The following TANC2 variants were observed in gnomAD, a reference collection of about 807,000 sequenced individuals.
The protein encoded by TANC2 is protein TANC2.
In TANC2, 26 loss-of-function variants were observed where a neutral mutation model predicts 210.5. The observed-to-expected ratio is 0.12, with a 90% CI of 0.09 to 0.17. TANC2 has a LOEUF of 0.17. Among genes scored for constraint, TANC2 ranks in the 10% least tolerant of loss-of-function variants. The pLI, the probability that TANC2 is intolerant of heterozygous loss-of-function variation, is 1.00. For missense variants in TANC2, 2,129 were observed against 2,608.9 expected, an observed-to-expected ratio of 0.82 and a Z score of 4.01; for synonymous variants, 931 against 967.1, an observed-to-expected ratio of 0.96 and a Z score of 0.69.
At chr17:63,422,917 A>G (rs1331559536) in exon 28 of TANC2, 1 of 152,226 alleles carries the variant, frequency 6.6e-6, no homozygotes, top group Non-Finnish European at 1.5e-5. Flanking sequence ...AGGAAACTCT[A>G]ACCGAAGGCT....
intron 9 of TANC2, among the ~76,000 whole-genome samples, chr17:63,287,319 C>T (rs1303630526): frequency 6.6e-6 from 1 of 152,126 alleles, no homozygotes; most frequent in Non-Finnish European, 1.5e-5. Flanking sequence ...ATATTTAATA[C>T]AGTAATAATC....
At chr17:63,160,091 T>C (rs768569156) in intron 5 of TANC2, among the ~76,000 whole-genome samples, 1 of 152,238 alleles carries the variant, frequency 6.6e-6, no homozygotes, top group Non-Finnish European at 1.5e-5. Context: ...TCTCTTCTTA[T>C]AGGGACACTA....
exon 22 of TANC2, chr17:63,411,543 T>C: frequency 1.2e-6 from 2 of 1,613,394 alleles, no homozygotes; most frequent in Non-Finnish European, 1.7e-6. Flanking sequence ...CAAAGAAGGA[T>C]TGACAGCCCT....
chr17:63,058,723 G>C (rs1178648634), intron 2 of TANC2, among the ~76,000 whole-genome samples: 1 of 152,138 alleles, frequency 6.6e-6, no homozygotes, highest in Non-Finnish European at 1.5e-5. Context: ...TTGAACGTCA[G>C]ATGGTTGTAG....
intron 4 of TANC2, among the ~76,000 whole-genome samples, chr17:63,113,322 C>T (rs891747135): frequency 6.6e-6 from 1 of 152,060 alleles, no homozygotes; most frequent in Admixed American, 6.5e-5. Context: ...GTAATAAACA[C>T]GTGGCATGGC....
intron 2 of TANC2, among the ~76,000 whole-genome samples, chr17:63,068,213 A>G (rs2036271934): frequency 1.3e-5 from 2 of 152,166 alleles, no homozygotes; most frequent in Admixed American, 6.5e-5. Flanking sequence ...CCAGTAAAAC[A>G]TATGCTCAGC....
intron 1 of TANC2, among the ~76,000 whole-genome samples, chr17:62,975,686 T>C (rs915069162): frequency 3.3e-5 from 5 of 151,982 alleles, no homozygotes; most frequent in Non-Finnish European, 7.4e-5. Flanking sequence ...CCAGTATATA[T>C]TGGAAAGAAT....
intron 9 of TANC2, among the ~76,000 whole-genome samples, chr17:63,301,699 A>G (rs567338728): frequency 1.8e-4 from 27 of 152,006 alleles, no homozygotes; most frequent in African/African-American, 6.0e-4. Context: ...CTAGCAGTCT[A>G]TCTATTTTGT....
intron 5 of TANC2, among the ~76,000 whole-genome samples, chr17:63,174,023 C>T (rs536576738): frequency 5.3e-5 from 8 of 152,326 alleles, no homozygotes; most frequent in Admixed American, 1.3e-4. Flanking sequence ...AGCATCCTCC[C>T]CTACAGCCAC....
At chr17:63,345,975 G>A (rs2046394591) in intron 12 of TANC2, among the ~76,000 whole-genome samples, 1 of 152,098 alleles carries the variant, frequency 6.6e-6, no homozygotes, top group Non-Finnish European at 1.5e-5. Context: ...TCCAGAAATA[G>A]ACCCACATAT....
chr17:63,199,857 G>A (rs2041468696), intron 6 of TANC2, among the ~76,000 whole-genome samples: 1 of 152,168 alleles, frequency 6.6e-6, no homozygotes, highest in Non-Finnish European at 1.5e-5. Context: ...ATCTCAGGCT[G>A]TAATGCTGTT....
intron 1 of TANC2, among the ~76,000 whole-genome samples, chr17:62,982,113 A>C (rs2032334694): frequency 6.6e-6 from 1 of 152,148 alleles, no homozygotes; most frequent in African/African-American, 2.4e-5. Flanking sequence ...CTATGGGTCA[A>C]AATCTCAACT....
chr17:63,121,999 G>C (rs1254488355), intron 4 of TANC2, among the ~76,000 whole-genome samples: 1 of 151,700 alleles, frequency 6.6e-6, no homozygotes. Context: ...GGGGAGGGGA[G>C]GGTGCATATT....
At chr17:63,013,547 A>G (rs2143882871) in intron 2 of TANC2, among the ~76,000 whole-genome samples, 1 of 152,270 alleles carries the variant, frequency 6.6e-6, no homozygotes, top group South Asian at 2.1e-4. Flanking sequence ...GGATCACTTG[A>G]GGCCAGAAGT....
At chr17:63,324,399 G>A (rs761681610) in intron 11 of TANC2, among the ~76,000 whole-genome samples, 71 of 152,260 alleles carry the variant, frequency 4.7e-4, no homozygotes, top group Non-Finnish European at 6.8e-4. Flanking sequence ...TATTAAAGCT[G>A]TCAGCCAAAG....
rs1371904597 is a variant in TANC2, at chr17:63,200,921, A to G, written c.733A>G (p.Thr245Ala). 6 of 1,612,600 alleles carry G rather than the reference A, an allele frequency of 3.7e-6. No homozygotes were observed. The highest frequency in any genetic ancestry group is 1.7e-4 in the Middle Eastern group (1 of 6,048). ...CAGCTATGGGGCTGTTACTAGTCCAACCTCTACCCTTGAAAGCAGAGATAG... is the reference window on the plus strand; with the variant it reads ...CAGCTATGGGGCTGTTACTAGTCCAGCCTCTACCCTTGAAAGCAGAGATAG... Residue 245 changes from threonine (T) to alanine (A), a missense_variant, in exon 7 of 28, where the codon ACC becomes GCC. Thr to Ala is a moderately conservative substitution (Grantham distance 58, BLOSUM62 0). Around this residue, in one of 5 missense-constraint regions of TANC2, gnomAD observed 739 missense variants for 848.0 expected, o/e 0.87. Coordinates refer to ENST00000689528, the Ensembl canonical transcript of TANC2.
intron 9 of TANC2, among the ~76,000 whole-genome samples, chr17:63,300,164 C>T (rs989303791): frequency 6.6e-6 from 1 of 152,090 alleles, no homozygotes; most frequent in African/African-American, 2.4e-5. Context: ...GTACCAGTAC[C>T]ATGCTGTTGT....
intron 3 of TANC2, among the ~76,000 whole-genome samples, chr17:63,079,990 T>C (rs1443485910): frequency 6.6e-6 from 1 of 152,224 alleles, no homozygotes; most frequent in Non-Finnish European, 1.5e-5. Context: ...CCAGTATGAC[T>C]GCCGCAGGTT....
At chr17:63,012,716 A>G (rs1231523888) in intron 2 of TANC2, among the ~76,000 whole-genome samples, 3 of 152,306 alleles carry the variant, frequency 2.0e-5, no homozygotes, top group Non-Finnish European at 4.4e-5. Flanking sequence ...CAGTGGCACT[A>G]TAATAGCTCA....
Sources: allele counts gnomAD v4.1 joint callset (sites outside exome capture counted in the v4.1 genomes callset), GRCh38; gene constraint gnomAD v4.1.1; regional missense constraint gnomAD v4.1.1; transcripts MANE v1.5; gene names NCBI Gene and HGNC (gene_info 2026-07-23, HGNC 2026-07-21).